Variants in NRCAM observed in about 807,000 individuals in gnomAD.
The protein encoded by NRCAM is NgCAM-related cell adhesion molecule.
A neutral mutation model predicts 156.5 loss-of-function variants in NRCAM; 83 were observed. The ratio of observed to expected loss-of-function variants is 0.53; its 90% confidence interval spans 0.44 to 0.64. NRCAM has a LOEUF of 0.64. Ranked by LOEUF, NRCAM falls within the 30% of genes least tolerant of loss-of-function variation. NRCAM has a pLI of 0.00. For synonymous variants in NRCAM, 538 were observed against 563.9 expected (o/e 0.95, Z 0.65); for missense variants, 1,417 against 1,597.3 (o/e 0.89, Z 1.92).
intron 13 of NRCAM, among the ~76,000 whole-genome samples, chr7:108,205,084 C>A (rs965353669): frequency 6.6e-6 from 1 of 152,194 alleles, no homozygotes; most frequent in Non-Finnish European, 1.5e-5. Flanking sequence ...CTCCAAAATT[C>A]ATGTTGAAAC....
intron 8 of NRCAM, 36 bp from the exon 9 acceptor site, chr7:108,226,414 T>C: frequency 6.6e-7 from 1 of 1,523,834 alleles, no homozygotes; most frequent in Non-Finnish European, 9.0e-7. Context: ...GATTATTCCA[T>C]CATAAAGTGG....
At chr7:108,320,663 C>T (rs373823295) in intron 2 of NRCAM, among the ~76,000 whole-genome samples, 27 of 152,024 alleles carry the variant, frequency 1.8e-4, no homozygotes, top group African/African-American at 6.0e-4. Flanking sequence ...TTCATTGACA[C>T]ATAAAGTGAC....
At chr7:108,308,052 G>A (rs2098744912) in intron 3 of NRCAM, among the ~76,000 whole-genome samples, 1 of 152,192 alleles carries the variant, frequency 6.6e-6, no homozygotes, top group Non-Finnish European at 1.5e-5. Context: ...CACAATTAAA[G>A]TTCAATAAAT....
chr7:108,453,822 C>A (rs1429594969), intron 1 of NRCAM, among the ~76,000 whole-genome samples: 1 of 152,110 alleles, frequency 6.6e-6, no homozygotes. Context: ...TCCTTTTTTA[C>A]TAGTTAACAT....
At chr7:108,315,489 A>T (rs2098900345) in intron 2 of NRCAM, among the ~76,000 whole-genome samples, 1 of 152,230 alleles carries the variant, frequency 6.6e-6, no homozygotes, top group African/African-American at 2.4e-5. Context: ...AGCCTATGAA[A>T]CAAAATACAT....
intron 1 of NRCAM, among the ~76,000 whole-genome samples, chr7:108,443,491 C>CA (rs1445284022): frequency 1.3e-5 from 2 of 152,210 alleles, no homozygotes; most frequent in Non-Finnish European, 2.9e-5. Flanking sequence ...TACCCTGCCC[C>CA]ACTGAAGGCT....
intron 1 of NRCAM, among the ~76,000 whole-genome samples, chr7:108,403,349 C>A (rs1156708579): frequency 6.6e-6 from 1 of 152,052 alleles, no homozygotes; most frequent in South Asian, 2.1e-4. Context: ...ATGAGTTAGA[C>A]AAGAACACTA....
intron 1 of NRCAM, among the ~76,000 whole-genome samples, chr7:108,426,647 G>C (rs978350578): frequency 1.3e-5 from 2 of 152,192 alleles, no homozygotes; most frequent in Admixed American, 1.3e-4. Flanking sequence ...AAGACCACCT[G>C]TCATTTGGCC....
At chr7:108,255,338 T>C (rs2096583110) in intron 3 of NRCAM, among the ~76,000 whole-genome samples, 1 of 152,172 alleles carries the variant, frequency 6.6e-6, no homozygotes, top group African/African-American at 2.4e-5. Flanking sequence ...GACTCGTTTT[T>C]GTATTTTTTG....
At chr7:108,420,039 C>CGT (rs35840496) in intron 1 of NRCAM, among the ~76,000 whole-genome samples, 69,766 of 146,418 alleles carry the variant, frequency 0.48, 16,560 homozygotes, top group Non-Finnish European at 0.53. Context: ...TTAGTTCCAT[C>CGT]GTGTGTGTGT....
intron 3 of NRCAM, among the ~76,000 whole-genome samples, chr7:108,268,639 G>GAGT (rs2097210489): frequency 6.9e-6 from 1 of 144,898 alleles, no homozygotes; most frequent in South Asian, 2.4e-4. Context: ...GGGGGGTTGG[G>GAGT]GGGGGCGGCG....
At chr7:108,338,906 C>T (rs1008263529) in intron 2 of NRCAM, among the ~76,000 whole-genome samples, 3 of 152,174 alleles carry the variant, frequency 2.0e-5, no homozygotes, top group Admixed American at 6.5e-5. Context: ...CCCAGTAACC[C>T]GCAGATGGCC....
At chr7:108,208,560 T>C (rs1010002111) in intron 12 of NRCAM, among the ~76,000 whole-genome samples, 1 of 152,234 alleles carries the variant, frequency 6.6e-6, no homozygotes, top group African/African-American at 2.4e-5. Context: ...GTCTTGTTTC[T>C]GTCCCAGGAT....
At chr7:108,380,091 A>G (rs1181773234) in intron 2 of NRCAM, among the ~76,000 whole-genome samples, 1 of 152,224 alleles carries the variant, frequency 6.6e-6, no homozygotes, top group African/African-American at 2.4e-5. Flanking sequence ...AAGATTGTTT[A>G]CAGCAGTATC....
In NRCAM at chr7:108,159,557, A is replaced by G; in HGVS notation, c.3599-16T>C. 6.3e-7 allele frequency: 1 copy of G among 1,592,774 alleles called. No individual in the cohort carries two copies. The highest frequency in any genetic ancestry group is 8.6e-7 in the Non-Finnish European group (1 of 1,161,080). ...TTTTCTTTAACTAAAAAATGCCAAA[A>G]TGGTATTATTATCTGTTGATCCTGT... On this transcript the variant is annotated splice_polypyrimidine_tract_variant and intron_variant, in intron 31 of 32. Coordinates refer to ENST00000379028, the MANE Select transcript of NRCAM (RefSeq NM_001037132.4).
At chr7:108,161,543 C>T (rs1015228034) in intron 30 of NRCAM, among the ~76,000 whole-genome samples, 13 of 152,118 alleles carry the variant, frequency 8.5e-5, no homozygotes, top group Non-Finnish European at 1.8e-4. Context: ...AAAACATTTT[C>T]TTCTTTTGAC....
At chr7:108,267,590 T>C (rs1235403022) in intron 3 of NRCAM, among the ~76,000 whole-genome samples, 1 of 152,236 alleles carries the variant, frequency 6.6e-6, no homozygotes, top group East Asian at 1.9e-4. Flanking sequence ...TTCACACATT[T>C]TTTAAAAGGG....
chr7:108,216,772 T>G (rs189535423), intron 11 of NRCAM, among the ~76,000 whole-genome samples: 66 of 152,342 alleles, frequency 4.3e-4, no homozygotes, highest in Admixed American at 1.0e-3. Context: ...TCCGGTCATT[T>G]ATGTTCTTCT....
chr7:108,437,432 T>C (rs2154476605), intron 1 of NRCAM, among the ~76,000 whole-genome samples: 2 of 152,300 alleles, frequency 1.3e-5, no homozygotes, highest in South Asian at 4.1e-4. Context: ...TAAAAGAGTA[T>C]AATTAGATAG....
Sources: allele counts gnomAD v4.1 joint callset (sites outside exome capture counted in the v4.1 genomes callset), GRCh38; gene constraint gnomAD v4.1.1; transcripts MANE v1.5; gene names NCBI Gene and HGNC (gene_info 2026-07-23, HGNC 2026-07-21).